Variants in SUPV3L1 observed in about 807,000 individuals in gnomAD.
SUPV3L1 encodes the protein ATP-dependent RNA helicase SUPV3L1, mitochondrial.
A neutral mutation model predicts 70.0 loss-of-function variants in SUPV3L1; 35 were observed. That is an observed-to-expected ratio of 0.50 (90% CI 0.38 to 0.66). The LOEUF is 0.66. Among genes scored for constraint, SUPV3L1 ranks in the 30% least tolerant of loss-of-function variants. The pLI is 0.00. For missense variants in SUPV3L1, 777 were observed against 961.5 expected (o/e 0.81, Z 2.54); for synonymous variants, 364 against 341.9 (o/e 1.06, Z -0.71).
At chr10:69,201,175 C>A (rs752141500) in intron 11 of SUPV3L1, among the ~76,000 whole-genome samples, 6 of 152,118 alleles carry the variant, frequency 3.9e-5, no homozygotes, top group African/African-American at 7.2e-5. Context: ...CAGTTAGGTT[C>A]GTGGTTGGCT....
Position 69,196,988 on chromosome 10 carries a change from A to C in SUPV3L1, c.932-4A>C. On this transcript the variant is annotated splice_polypyrimidine_tract_variant and splice_region_variant and intron_variant, in intron 7 of 14. Coordinates refer to ENST00000359655, the MANE Select transcript of SUPV3L1 (RefSeq NM_003171.5). ...AATTAAGAAACCCAGTTTTGCATTG[A>C]CAGGACTGTGTGCTGAAGAGGTTCA... 2 of 1,613,702 alleles carry C rather than the reference A, an allele frequency of 1.2e-6. No individual in the cohort carries two copies. Among genetic ancestry groups the C allele is most frequent in the Non-Finnish European group, 1.7e-6 (2 of 1,179,686 alleles).
At chr10:69,184,460 G>A (rs1264978703) in intron 1 of SUPV3L1, among the ~76,000 whole-genome samples, 2 of 152,120 alleles carry the variant, frequency 1.3e-5, no homozygotes, top group East Asian at 1.9e-4. Context: ...TCTTGAGCCC[G>A]AAAGGCGGAG....
chr10:69,181,184 G>A (rs1168445161), intron 1 of SUPV3L1, among the ~76,000 whole-genome samples: 3 of 152,230 alleles, frequency 2.0e-5, no homozygotes, highest in Non-Finnish European at 2.9e-5. Flanking sequence ...GTTAGTGGCA[G>A]CGGGCTTTGC....
rs757215010 is a variant in SUPV3L1 at position 69,195,180 on chromosome 10, A to G, written c.854-8A>G. The G allele has an allele frequency of 6.2e-7, 1 of 1,607,900 alleles. No individual in the cohort carries two copies. Among genetic ancestry groups the G allele is most frequent in the Non-Finnish European group, 8.5e-7 (1 of 1,177,728 alleles). On this transcript the variant is annotated splice_polypyrimidine_tract_variant and splice_region_variant and intron_variant, in intron 6 of 14. Transcript: ENST00000359655. ...TGGTATTGCTCATGTTAACTTTTTT[A>G]TTTTAAGATGAAGTGGCTGTAATTG...
chr10:69,200,051 G>T (rs1158787046), intron 10 of SUPV3L1, among the ~76,000 whole-genome samples: 1 of 151,616 alleles, frequency 6.6e-6, no homozygotes, highest in Non-Finnish European at 1.5e-5. Context: ...TTGCTATGTT[G>T]CCCAGGCTGG....
At chr10:69,186,346 A>AC (rs1842232313) in intron 2 of SUPV3L1, 97 bp from the exon 3 acceptor site, 1 of 798,468 alleles carries the variant, frequency 1.3e-6, no homozygotes, top group Non-Finnish European at 1.9e-6. Flanking sequence ...AAAAAAAAAG[A>AC]AAAAAAAAGA....
At position 69,203,058 on chromosome 10, in the gene SUPV3L1, T is replaced by G. The variant is rs751147542; in HGVS notation, c.1776+15T>G. On this transcript the variant is annotated intron_variant, in intron 13 of 14. Coordinates refer to ENST00000359655, the MANE Select transcript of SUPV3L1 (RefSeq NM_003171.5). Reference sequence around the variant, plus strand: ...CACTGTTACAGGTAAGCCTTTATCTTTAAGCTATTTTGAGTTCCTTCTGGT... The same window carrying G: ...CACTGTTACAGGTAAGCCTTTATCTGTAAGCTATTTTGAGTTCCTTCTGGT... 6.3e-7 allele frequency: 1 copy of G among 1,589,332 alleles called. No individual in the cohort carries two copies. Among genetic ancestry groups the G allele is most frequent in the Admixed American group, 1.8e-5 (1 of 55,528 alleles).
At chr10:69,195,156 G>A (rs774443570) in intron 6 of SUPV3L1, 32 bp from the exon 7 acceptor site, 2 of 1,539,456 alleles carry the variant, frequency 1.3e-6, no homozygotes, top group South Asian at 1.2e-5. Flanking sequence ...TTAAGTAGAT[G>A]GTATTGCTCA....
At chr10:69,188,716 C>T (rs1307635663) in intron 4 of SUPV3L1, among the ~76,000 whole-genome samples, 1 of 152,142 alleles carries the variant, frequency 6.6e-6, no homozygotes, top group Non-Finnish European at 1.5e-5. Context: ...CCAGGCTGGT[C>T]TCGAGCTCCT....
intron 3 of SUPV3L1, among the ~76,000 whole-genome samples, 194 bp downstream of exon 3, chr10:69,186,744 A>T (rs954382786): frequency 6.6e-6 from 1 of 152,186 alleles, no homozygotes; most frequent in South Asian, 2.1e-4. Context: ...GCTGGTTATT[A>T]CATCACCCAT....
At chr10:69,197,400 T>C (rs1842570167) in intron 8 of SUPV3L1, among the ~76,000 whole-genome samples, 1 of 152,170 alleles carries the variant, frequency 6.6e-6, no homozygotes, top group South Asian at 2.1e-4. Context: ...CCAGCAAGTT[T>C]GTCGTTTTCA....
chr10:69,201,778 A>T (rs1183008185), intron 11 of SUPV3L1, among the ~76,000 whole-genome samples: 1 of 151,676 alleles, frequency 6.6e-6, no homozygotes, highest in Non-Finnish European at 1.5e-5. Context: ...TCCTCAAGTA[A>T]TCCTCCCACC....
In SUPV3L1 at chr10:69,209,021, C is replaced by A; in HGVS notation, c.2347C>A (p.Pro783Thr). 6.5e-7 allele frequency: 1 copy of A among 1,549,424 alleles called. No individual in the cohort carries two copies. Among genetic ancestry groups the A allele is most frequent in the Middle Eastern group, 1.8e-4 (1 of 5,608 alleles). ...PKGTRRKKKE[P>T]DSD Reference sequence around the variant, plus strand: ...AGGGACGAGAAGAAAGAAGAAGGAACCTGATTCGGACTAGTTTTCTGTTCC... The same window carrying A: ...AGGGACGAGAAGAAAGAAGAAGGAAACTGATTCGGACTAGTTTTCTGTTCC... Residue 783 changes from proline (P) to threonine (T), a missense_variant, in exon 15 of 15, where the codon CCT becomes ACT. Transcript: ENST00000359655.
intron 1 of SUPV3L1, among the ~76,000 whole-genome samples, chr10:69,181,488 T>G (rs1589373300): frequency 6.6e-6 from 1 of 152,252 alleles, no homozygotes; most frequent in African/African-American, 2.4e-5. Flanking sequence ...GTATATGTTA[T>G]TCTTTGACAT....
intron 1 of SUPV3L1, among the ~76,000 whole-genome samples, chr10:69,184,614 A>ACACACAC (rs1842163734): frequency 2.3e-5 from 1 of 43,910 alleles, no homozygotes; most frequent in Non-Finnish European, 5.0e-5. Context: ...CTGAAATATA[A>ACACACAC]ATACACACAC....
intron 13 of SUPV3L1, among the ~76,000 whole-genome samples, chr10:69,205,631 T>G (rs969859991): frequency 6.6e-6 from 1 of 152,210 alleles, no homozygotes; most frequent in Non-Finnish European, 1.5e-5. Flanking sequence ...CCTCCCAGGT[T>G]CAGGCGATTC....
At chr10:69,188,212 C>T (rs896959135) in intron 4 of SUPV3L1, among the ~76,000 whole-genome samples, 4 of 152,190 alleles carry the variant, frequency 2.6e-5, no homozygotes. Flanking sequence ...GCCAGGAATT[C>T]GCAGGGAACC....
In SUPV3L1 at chr10:69,180,259, G is replaced by T. The variant is rs1325375636; in HGVS notation, c.-33G>T. On this transcript the variant is annotated 5_prime_UTR_variant, in exon 1 of 15. Transcript: ENST00000359655. ...GTCACTGTCCGCCGCCGTGTCCGCG[G>T]CTGCGCCAGACAGTGTAGAACCTGC... is the stretch of plus-strand genomic sequence containing the variant. 1 of 1,590,882 alleles carries T rather than the reference G, an allele frequency of 6.3e-7. No homozygotes were observed. Among genetic ancestry groups the T allele is most frequent in the East Asian group, 2.3e-5 (1 of 44,432 alleles).
chr10:69,196,246 C>T (rs1193984393), intron 7 of SUPV3L1, among the ~76,000 whole-genome samples: 1 of 152,090 alleles, frequency 6.6e-6, no homozygotes, highest in Admixed American at 6.5e-5. Flanking sequence ...AATCCCAGCA[C>T]TTTGGGAGGC....
Sources: gnomAD v4.1 joint callset for allele counts (sites outside exome capture counted in the v4.1 genomes callset) on GRCh38, gnomAD v4.1.1 for gene constraint, MANE v1.5 for transcripts, NCBI Gene and HGNC (gene_info 2026-07-23, HGNC 2026-07-21) for gene names.